The following GLIS3 variants were observed in gnomAD, a reference collection of about 807,000 sequenced individuals.
GLIS3 encodes the protein GLIS family zinc finger 3.
Under a neutral mutation model 78.6 loss-of-function variants are expected in GLIS3, and 53 were observed. The ratio of observed to expected loss-of-function variants is 0.67; its 90% CI spans 0.54 to 0.85. GLIS3 has a LOEUF of 0.85. Among genes scored for constraint, GLIS3 ranks in the 40% least tolerant of loss-of-function variants. The pLI is 0.00. For missense variants in GLIS3, 1,703 were observed against 1,231.1 expected, an observed-to-expected ratio of 1.38 and a Z score of -5.74; for synonymous variants, 684 against 509.9, an observed-to-expected ratio of 1.34 and a Z score of -4.60.
intron 2 of GLIS3, among the ~76,000 whole-genome samples, chr9:4,343,404 G>C (rs1817861383): frequency 6.6e-6 from 1 of 152,094 alleles, no homozygotes; most frequent in Admixed American, 6.6e-5. Context: ...ATTATAAAAG[G>C]TAAAAAAATA....
chr9:4,092,414 T>C (rs1189728847), intron 4 of GLIS3, among the ~76,000 whole-genome samples: 1 of 152,088 alleles, frequency 6.6e-6, no homozygotes. Context: ...AGCCTCCCAA[T>C]AAACTTTATT....
intron 2 of GLIS3, among the ~76,000 whole-genome samples, chr9:4,331,453 C>G (rs1415975986): frequency 3.3e-5 from 5 of 152,146 alleles, no homozygotes; most frequent in African/African-American, 9.7e-5. Context: ...GGACACTATT[C>G]AACCCACTGT....
chr9:3,896,270 C>A (rs185822761), intron 7 of GLIS3, among the ~76,000 whole-genome samples: 4 of 152,218 alleles, frequency 2.6e-5, no homozygotes, highest in Non-Finnish European at 5.9e-5. Context: ...CTGGTTCTGC[C>A]TCTTGGTTTG....
chr9:4,416,096 A>G, the GLIS3 span, among the ~76,000 whole-genome samples: 1 of 151,422 alleles, frequency 6.6e-6, no homozygotes, highest in African/African-American at 2.4e-5. Flanking sequence ...AACTAAAACC[A>G]TGCAAAGTGG....
chr9:4,304,161 T>C (rs191091231), upstream of GLIS3, among the ~76,000 whole-genome samples: 8 of 152,342 alleles, frequency 5.3e-5, no homozygotes, highest in Admixed American at 2.6e-4. Flanking sequence ...TTGTTATGTA[T>C]GTGTATAATC....
chr9:4,092,023 C>T (rs777024114), intron 4 of GLIS3, among the ~76,000 whole-genome samples: 2 of 152,170 alleles, frequency 1.3e-5, no homozygotes, highest in South Asian at 4.2e-4. Flanking sequence ...TGCTGAGAAA[C>T]GTGAGACCCT....
intron 4 of GLIS3, among the ~76,000 whole-genome samples, chr9:4,000,473 GTTATT>G (rs1053123167): frequency 1.2e-4 from 18 of 151,964 alleles, no homozygotes; most frequent in Non-Finnish European, 2.5e-4. Flanking sequence ...ATTCATCAGT[GTTATT>G]TTATTTATTA....
chr9:4,354,892 G>A, the GLIS3 span, among the ~76,000 whole-genome samples: 11 of 152,178 alleles, frequency 7.2e-5, no homozygotes, highest in South Asian at 1.9e-3. Context: ...CGAGGTGGGC[G>A]GATCACTAGG....
At chr9:4,431,807 G>T in the GLIS3 span, among the ~76,000 whole-genome samples, 1 of 145,082 alleles carries the variant, frequency 6.9e-6, no homozygotes, top group Non-Finnish European at 1.5e-5. Flanking sequence ...TGGCACCATT[G>T]CACTCCAGCC....
chr9:3,988,881 A>G (rs1418817818), intron 4 of GLIS3, among the ~76,000 whole-genome samples: 1 of 152,164 alleles, frequency 6.6e-6, no homozygotes, highest in African/African-American at 2.4e-5. Context: ...ACTTGATACC[A>G]AAACCATGAT....
At chr9:3,914,693 G>T (rs919355707) in intron 6 of GLIS3, among the ~76,000 whole-genome samples, 2 of 152,132 alleles carry the variant, frequency 1.3e-5, no homozygotes, top group African/African-American at 4.8e-5. Flanking sequence ...GTGTAAATTT[G>T]GTAAGTAGAA....
intron 4 of GLIS3, among the ~76,000 whole-genome samples, chr9:4,052,542 T>C (rs1825815906): frequency 6.6e-6 from 1 of 152,154 alleles, no homozygotes; most frequent in Non-Finnish European, 1.5e-5. Flanking sequence ...TCTGTCTCTA[T>C]AGATTTACCT....
chr9:4,417,547 C>G, the GLIS3 span, among the ~76,000 whole-genome samples: 1 of 152,142 alleles, frequency 6.6e-6, no homozygotes, highest in African/African-American at 2.4e-5. Context: ...TTTGTTCTTG[C>G]TGTTTTGTAA....
intron 4 of GLIS3, among the ~76,000 whole-genome samples, chr9:3,970,927 A>T (rs1409216168): frequency 2.6e-5 from 4 of 152,008 alleles, no homozygotes; most frequent in African/African-American, 7.3e-5. Context: ...GAGGGGAAAT[A>T]AAAAAAGGAT....
chr9:4,406,708 T>C, the GLIS3 span, among the ~76,000 whole-genome samples: 2 of 152,102 alleles, frequency 1.3e-5, no homozygotes, highest in South Asian at 2.1e-4. Flanking sequence ...ACAATACCCA[T>C]ACATAAACTT....
At chr9:4,292,234 C>T (rs1207678879) in intron 1 of GLIS3, among the ~76,000 whole-genome samples, 6 of 152,078 alleles carry the variant, frequency 3.9e-5, no homozygotes, top group Non-Finnish European at 8.8e-5. Flanking sequence ...ACGGAGAAAG[C>T]ATTATTTAAT....
chr9:3,926,324 G>A (rs887203422), intron 6 of GLIS3, among the ~76,000 whole-genome samples: 4 of 148,044 alleles, frequency 2.7e-5, no homozygotes, highest in East Asian at 4.0e-4. Context: ...TCCACCTCCT[G>A]GGGTCATGCC....
At chr9:4,332,828 G>A (rs545988080) in intron 2 of GLIS3, among the ~76,000 whole-genome samples, 26 of 152,194 alleles carry the variant, frequency 1.7e-4, no homozygotes, top group African/African-American at 6.0e-4. Flanking sequence ...CGTCTACTGG[G>A]TACTAGATAC....
upstream of GLIS3, among the ~76,000 whole-genome samples, chr9:4,352,690 CTA>C (rs1230789550): frequency 1.3e-5 from 2 of 152,244 alleles, no homozygotes; most frequent in Non-Finnish European, 2.9e-5. Context: ...GCCTGAAGGG[CTA>C]TGTGTGGCCA....
Sources: allele counts gnomAD v4.1 joint callset (sites outside exome capture counted in the v4.1 genomes callset), GRCh38; gene constraint gnomAD v4.1.1; transcripts MANE v1.5; gene names NCBI Gene and HGNC (gene_info 2026-07-23, HGNC 2026-07-21).